DAB1: variants seen among roughly 807,000 people sequenced by gnomAD.
The protein encoded by DAB1 is disabled homolog 1.
A neutral mutation model predicts 64.6 loss-of-function variants in DAB1; 15 were observed. The ratio of observed to expected loss-of-function variants is 0.23; its 90% CI spans 0.16 to 0.36. The LOEUF (loss-of-function observed/expected upper bound fraction) is 0.36, where lower values mean the gene tolerates loss of function less well. Among genes scored for constraint, DAB1 ranks in the 10% least tolerant of loss-of-function variants. The probability of loss-of-function intolerance (pLI) is 1.00; values close to 1 mark genes in which losing one functional copy is unlikely to be tolerated. For missense variants in DAB1, 596 were observed against 706.7 expected, an observed-to-expected ratio of 0.84 and a Z score of 1.78; for synonymous variants, 235 against 251.9, an observed-to-expected ratio of 0.93 and a Z score of 0.64.
intron 6 of DAB1, among the ~76,000 whole-genome samples, chr1:57,747,902 T>TA: frequency 8.0e-6 from 1 of 125,676 alleles, no homozygotes; most frequent in East Asian, 2.3e-4. Context: ...ACAGAAAAAA[T>TA]AGAGTGTCGC....
intron 1 of DAB1, among the ~76,000 whole-genome samples, chr1:57,301,951 G>C (rs1673698288): frequency 6.6e-6 from 1 of 152,162 alleles, no homozygotes; most frequent in Non-Finnish European, 1.5e-5. Flanking sequence ...CAGGTGGCAG[G>C]CTTCCTCTCA....
intron 9 of DAB1, among the ~76,000 whole-genome samples, chr1:57,036,368 C>A (rs1469847652): frequency 2.0e-5 from 3 of 152,066 alleles, no homozygotes; most frequent in Admixed American, 1.3e-4. Context: ...CTTGTGTCTA[C>A]CTTACTGTTC....
intron 2 of DAB1, among the ~76,000 whole-genome samples, chr1:57,290,546 G>T (rs980886415): frequency 6.6e-6 from 1 of 152,158 alleles, no homozygotes; most frequent in Non-Finnish European, 1.5e-5. Context: ...TGGGGAAGGG[G>T]GGTGGTTAGG....
intron 3 of DAB1, among the ~76,000 whole-genome samples, chr1:58,399,595 C>G (rs1463192872): frequency 6.6e-6 from 1 of 152,130 alleles, no homozygotes; most frequent in African/African-American, 2.4e-5. Flanking sequence ...CTCCAAAGTC[C>G]GAGCTCTAAC....
At chr1:58,247,708 C>T (rs1202983848) in intron 4 of DAB1, among the ~76,000 whole-genome samples, 1 of 152,130 alleles carries the variant, frequency 6.6e-6, no homozygotes, top group African/African-American at 2.4e-5. Context: ...GCTCTGGTCG[C>T]TCCCTCTTAG....
At chr1:58,282,118 C>A (rs1408588251) in intron 4 of DAB1, among the ~76,000 whole-genome samples, 2 of 152,176 alleles carry the variant, frequency 1.3e-5, no homozygotes, top group African/African-American at 4.8e-5. Flanking sequence ...GTGCTGAACT[C>A]TTTTCCAGGG....
In DAB1 at chr1:57,939,181, T is replaced by G. The variant is rs192665554; in HGVS notation, n.388-55019A>C. 3.7e-3 allele frequency among the ~76,000 whole-genome samples: 567 copies of G among 152,246 alleles called. 3 individuals are homozygous for G. The highest frequency in any genetic ancestry group is 6.6e-3 in the Non-Finnish European group (450 of 68,018). On this transcript the variant is annotated intron_variant and non_coding_transcript_variant, in intron 5 of 20. Coordinates refer to the DAB1 transcript ENST00000485760. ...GACCTTCTTCTCTCATATTCTCACATGGCAGAGAGACAGAGAAAGAAAGAG... is the reference window on the plus strand; with the variant it reads ...GACCTTCTTCTCTCATATTCTCACAGGGCAGAGAGACAGAGAAAGAAAGAG...
intron 7 of DAB1, among the ~76,000 whole-genome samples, chr1:57,575,213 T>TA (rs1401200974): frequency 6.6e-6 from 1 of 152,124 alleles, no homozygotes; most frequent in African/African-American, 2.4e-5. Context: ...AAATATTCTA[T>TA]AAAAAAGACT....
At chr1:58,048,737 T>C (rs1647415131) in intron 5 of DAB1, 2 of 1,308,794 alleles carry the variant, frequency 1.5e-6, no homozygotes, top group Admixed American at 1.7e-5. Context: ...ACACTAGCCA[T>C]CTCTTGCTTT....
chr1:57,753,694 A>C (rs1056177029), intron 6 of DAB1, among the ~76,000 whole-genome samples: 4 of 152,172 alleles, frequency 2.6e-5, no homozygotes, highest in African/African-American at 9.7e-5. Flanking sequence ...TTTATAGCTC[A>C]TCATCACACT....
intron 4 of DAB1, among the ~76,000 whole-genome samples, chr1:58,288,228 G>A (rs972487217): frequency 2.0e-5 from 3 of 152,010 alleles, no homozygotes; most frequent in Non-Finnish European, 4.4e-5. Flanking sequence ...CAACTTTAAT[G>A]GCCTCCACTT....
At position 57,071,469 on chromosome 1, in the gene DAB1, T is replaced by C. The variant is rs1651452512; in HGVS notation, c.558+53A>G. ...GAAGGCCTGACTGTCAGTTTTTACA[T>C]GTGTTTATTTGAAGGCCCGATCTCC... On this transcript the variant is annotated intron_variant, in intron 6 of 14. Coordinates refer to ENST00000371236, the MANE Select transcript of DAB1 (RefSeq NM_001365792.1). 1.8e-5 allele frequency: 29 copies of C among 1,579,996 alleles called. 1 individual carries two copies. The highest frequency in any genetic ancestry group is 2.4e-5 in the Non-Finnish European group (28 of 1,168,320).
intron 5 of DAB1, among the ~76,000 whole-genome samples, chr1:57,931,393 T>G (rs1644950844): frequency 6.6e-6 from 1 of 152,222 alleles, no homozygotes; most frequent in Non-Finnish European, 1.5e-5. Flanking sequence ...AAATATATCC[T>G]CTGGTTCTAT....
intron 7 of DAB1, among the ~76,000 whole-genome samples, chr1:57,573,931 G>T (rs1645220225): frequency 6.6e-6 from 1 of 152,204 alleles, no homozygotes; most frequent in South Asian, 2.1e-4. Flanking sequence ...CACTCTCCTT[G>T]ATTATTGAGA....
At chr1:57,825,370 A>G (rs898311903), downstream of DAB1, among the ~76,000 whole-genome samples, 3 of 152,252 alleles carry the variant, frequency 2.0e-5, no homozygotes, top group Non-Finnish European at 4.4e-5. Flanking sequence ...ACTTTCCAGT[A>G]GAGAACAAGT....
At chr1:57,531,018 T>C (rs1377806766) in intron 7 of DAB1, among the ~76,000 whole-genome samples, 1 of 152,162 alleles carries the variant, frequency 6.6e-6, no homozygotes, top group East Asian at 1.9e-4. Flanking sequence ...AGAGACTTAC[T>C]TTTGATTTAA....
chr1:58,474,044 T>C, intron 3 of DAB1: 1 of 646,692 alleles, frequency 1.5e-6, no homozygotes, highest in East Asian at 6.6e-5. Context: ...ATGGTGGCTA[T>C]TAGGGTCATT....
chr1:58,275,273 A>G (rs1393557626), intron 4 of DAB1, among the ~76,000 whole-genome samples: 1 of 152,254 alleles, frequency 6.6e-6, no homozygotes, highest in Non-Finnish European at 1.5e-5. Context: ...TAATTTGGCA[A>G]TGATTTCTTG....
At chr1:58,061,552 C>T (rs1648504925) in intron 5 of DAB1, among the ~76,000 whole-genome samples, 2 of 152,174 alleles carry the variant, frequency 1.3e-5, no homozygotes, top group South Asian at 4.1e-4. Flanking sequence ...ACCACTTATA[C>T]TGGATTAGAA....
Sources: allele counts gnomAD v4.1 joint callset (sites outside exome capture counted in the v4.1 genomes callset), GRCh38; gene constraint gnomAD v4.1.1; transcripts MANE v1.5; gene names NCBI Gene and HGNC (gene_info 2026-07-23, HGNC 2026-07-21).